The following OR4D10 variants were observed in gnomAD, a reference collection of about 807,000 sequenced individuals.
OR4D10 encodes olfactory receptor family 4 subfamily D member 10, also known as olfactory receptor 4D10.
For synonymous variants in OR4D10, 188 were observed against 153.2 expected (o/e 1.23, Z -1.68); for missense variants, 395 against 378.0 (o/e 1.04, Z -0.37).
At position 59,477,678 on chromosome 11, in the gene OR4D10, G is replaced by T. The variant is rs747447686; in HGVS notation, c.249G>T (p.Val83=). 2 of 1,614,048 alleles carry T rather than the reference G, an allele frequency of 1.2e-6. No individual in the cohort carries two copies. The highest frequency in any genetic ancestry group is 2.2e-5 in the South Asian group (2 of 91,072). ...CCATCACAGTGCCCAAGGTTCTGGT[G>T]GACCTTCTGTCTGAAAGAAAGACCA... ...FSSITVPKVL[V]DLLSERKTIS... Residue 83 remains valine (V), a synonymous_variant, in exon 3 of 3, where the codon GTG becomes GTT. Coordinates refer to ENST00000530162, the MANE Select transcript of OR4D10 (RefSeq NM_001004705.2).
Position 59,478,197 on chromosome 11 carries a change from T to C in OR4D10, c.768T>C (p.Tyr256=). 1 of 1,614,106 alleles carries C rather than the reference T, an allele frequency of 6.2e-7. No individual in the cohort carries two copies. The highest frequency in any genetic ancestry group is 1.1e-5 in the South Asian group (1 of 91,076). ...VVTLHFVPCI[Y]VYARPFTALP... ...CCCTGCATTTCGTGCCCTGCATCTA[T>C]GTCTATGCCCGGCCCTTCACTGCCC... The change falls in exon 3 of 3, where the codon TAT becomes TAC. Residue 256 remains tyrosine, a synonymous_variant. Coordinates refer to ENST00000530162, the MANE Select transcript of OR4D10 (RefSeq NM_001004705.2).
At chr11:59,474,821 C>G (rs1858883417) in intron 2 of OR4D10, among the ~76,000 whole-genome samples, 2 of 151,908 alleles carry the variant, frequency 1.3e-5, no homozygotes, top group Admixed American at 6.6e-5. Flanking sequence ...CTTTGGGAGG[C>G]CGAGGCGGGC....
chr11:59,473,712 A>C (rs900361188), intron 1 of OR4D10, 27 bp from the exon 2 acceptor site: 1 of 152,252 alleles, frequency 6.6e-6, no homozygotes, highest in Non-Finnish European at 1.5e-5. Flanking sequence ...ATTATGTATG[A>C]CTAATTTAAC....
At position 59,477,568 on chromosome 11, in the gene OR4D10, G is replaced by A. The variant is rs1048366397; in HGVS notation, c.139G>A (p.Val47Ile). The A allele has an allele frequency of 6.2e-7, 1 of 1,614,032 alleles. No individual in the cohort carries two copies. Among genetic ancestry groups the A allele is most frequent in the Non-Finnish European group, 8.5e-7 (1 of 1,179,990 alleles). Residue 47 changes from valine to isoleucine, a missense_variant, in exon 3 of 3, where the codon GTC becomes ATC. Coordinates refer to ENST00000530162, the MANE Select transcript of OR4D10 (RefSeq NM_001004705.2). The part of the protein sequence containing the change: ...TTLLGNLLIM[V>I]TVTCESRLHT... The stretch of plus-strand genomic sequence containing the variant: ...TTTGCTGGGAAACCTCCTCATCATG[G>A]TCACTGTTACCTGTGAATCTCGCCT...
intron 2 of OR4D10, among the ~76,000 whole-genome samples, chr11:59,476,259 T>C (rs534534305): frequency 1.2e-4 from 19 of 152,328 alleles, no homozygotes; most frequent in African/African-American, 4.6e-4. Flanking sequence ...TAGGTGAAGA[T>C]AGGTTCTACT....
At position 59,477,927 on chromosome 11, in the gene OR4D10, C is replaced by A. The variant is rs1245507601; in HGVS notation, c.498C>A (p.Leu166=). The A allele has an allele frequency of 6.2e-7, 1 of 1,614,048 alleles. No homozygotes were observed. The highest frequency in any genetic ancestry group is 8.5e-7 in the Non-Finnish European group (1 of 1,180,044). Residue 166 remains leucine (L), a synonymous_variant, in exon 3 of 3, where the codon CTC becomes CTA. Transcript: ENST00000530162. ...TGCAGATTTCCCTGTTGCTCCCACT[C>A]CCTTTCTGCGGACCCAATGTTCTTG... ...SIVQISLLLP[L]PFCGPNVLDT... is the part of the protein sequence containing the mutation.
chr11:59,473,910 T>G (rs2134557035), intron 2 of OR4D10, 117 bp downstream of exon 2: 1 of 152,378 alleles, frequency 6.6e-6, no homozygotes, highest in East Asian at 1.9e-4. Context: ...GTTGCTTATG[T>G]GTGAGGCCAC....
intron 2 of OR4D10, among the ~76,000 whole-genome samples, chr11:59,474,664 C>A (rs1011111337): frequency 6.6e-6 from 1 of 152,156 alleles, no homozygotes; most frequent in Non-Finnish European, 1.5e-5. Flanking sequence ...CTTTTTCTCA[C>A]CCCAACACTC....
rs1858923946 is a variant in OR4D10 at position 59,477,720 on chromosome 11, CTTCACTCAGATGT to C, written c.295_307del (p.Thr99TyrfsTer15). The C allele has an allele frequency of 6.2e-7, 1 of 1,614,022 alleles. No individual in the cohort carries two copies. Among genetic ancestry groups the C allele is most frequent in the African/African-American group, 1.3e-5 (1 of 74,916 alleles). On this transcript the variant is annotated frameshift_variant, in exon 3 of 3. Coordinates refer to ENST00000530162, the MANE Select transcript of OR4D10 (RefSeq NM_001004705.2). LOFTEE classifies it low-confidence loss of function (END_TRUNC). Reference sequence around the variant, plus strand: ...GAAAGACCATCTCCTTCAATCATTGCTTCACTCAGATGTTTCTATTCCACCTTATTGGAGGGGT... The same window carrying C: ...GAAAGACCATCTCCTTCAATCATTGCTTCTATTCCACCTTATTGGAGGGGT...
chr11:59,478,053 A>G lies in OR4D10; in HGVS notation c.624A>G (p.Thr208=), dbSNP rs1858929326. ...LMISNNGLLT[T]LWFFLLLVSY... is the part of the protein sequence containing the mutation. ...TTTCCAACAATGGACTGCTCACCACACTGTGGTTTTTCCTGCTCCTGGTGT... is the reference window on the plus strand; with the variant it reads ...TTTCCAACAATGGACTGCTCACCACGCTGTGGTTTTTCCTGCTCCTGGTGT... The change falls in exon 3 of 3, where the codon ACA becomes ACG. Residue 208 remains threonine (T), a synonymous_variant. Coordinates refer to ENST00000530162, the MANE Select transcript of OR4D10 (RefSeq NM_001004705.2). 6.2e-7 allele frequency: 1 copy of G among 1,614,074 alleles called. No homozygotes were observed. The highest frequency in any genetic ancestry group is 2.2e-5 in the East Asian group (1 of 44,880).
intron 2 of OR4D10, among the ~76,000 whole-genome samples, chr11:59,475,739 T>G (rs905880880): frequency 6.6e-6 from 1 of 152,154 alleles, no homozygotes; most frequent in Non-Finnish European, 1.5e-5. Context: ...GGGTCAGGAA[T>G]GTAATCAAAT....
intron 2 of OR4D10, among the ~76,000 whole-genome samples, 175 bp downstream of exon 2, chr11:59,473,968 A>G (rs1430064045): frequency 6.6e-6 from 1 of 152,246 alleles, no homozygotes; most frequent in Non-Finnish European, 1.5e-5. Context: ...GCTTTCTGCC[A>G]AATGCTTACC....
Position 59,477,513 on chromosome 11 carries a change from T to C in OR4D10, c.84T>C (p.Phe28=). The C allele has an allele frequency of 6.2e-7, 1 of 1,614,056 alleles. No homozygotes were observed. The highest frequency in any genetic ancestry group is 8.5e-7 in the Non-Finnish European group (1 of 1,179,950). ...TQNREVSLVL[F]LFLLLVYVTT... is the part of the protein sequence containing the mutation. ...ATCGGGAAGTGAGCTTAGTCTTATT[T>C]CTTTTCCTACTCTTGGTGTATGTGA... The change falls in exon 3 of 3, where the codon TTT becomes TTC. Residue 28 remains phenylalanine, a synonymous_variant. Coordinates refer to ENST00000530162, the MANE Select transcript of OR4D10 (RefSeq NM_001004705.2).
Position 59,476,931 on chromosome 11 carries a change from A to G in OR4D10, c.-168-331A>G, listed in dbSNP as rs1250160064. ...TGTACAGGGCAAAAAAAAACTGATAATAATAATAGTGACCATAAACCAGGA... is the reference window on the plus strand; with the variant it reads ...TGTACAGGGCAAAAAAAAACTGATAGTAATAATAGTGACCATAAACCAGGA... On this transcript the variant is annotated intron_variant, in intron 2 of 2. Transcript: ENST00000530162. Among the ~76,000 whole-genome samples, 3 of 152,136 alleles carry G rather than the reference A, an allele frequency of 2.0e-5. No individual in the cohort carries two copies. The East Asian group carries it at 5.8e-4, about 29-fold the overall frequency.
At chr11:59,475,437 A>G (rs1450279305) in intron 2 of OR4D10, among the ~76,000 whole-genome samples, 3 of 151,992 alleles carry the variant, frequency 2.0e-5, no homozygotes, top group Non-Finnish European at 2.9e-5. Context: ...TTGAGGGAAA[A>G]CTTCCCCTCC....
At chr11:59,476,222 A>G (rs1331682041) in intron 2 of OR4D10, among the ~76,000 whole-genome samples, 1 of 152,214 alleles carries the variant, frequency 6.6e-6, no homozygotes, top group Non-Finnish European at 1.5e-5. Flanking sequence ...AACGCTCTCC[A>G]GCTGATTTTC....
chr11:59,476,152 C>G (rs1220229363), intron 2 of OR4D10, among the ~76,000 whole-genome samples: 1 of 152,126 alleles, frequency 6.6e-6, no homozygotes, highest in African/African-American at 2.4e-5. Flanking sequence ...TATAGGAATA[C>G]ATAAGAGAAT....
At position 59,478,045 on chromosome 11, in the gene OR4D10, C is replaced by G; in HGVS notation, c.616C>G (p.Leu206Val). 1.2e-6 allele frequency: 2 copies of G among 1,614,190 alleles called. No homozygotes were observed. Among genetic ancestry groups the G allele is most frequent in the Non-Finnish European group, 1.7e-6 (2 of 1,180,040 alleles). ...ACTAATGATTTCCAACAATGGACTG[C>G]TCACCACACTGTGGTTTTTCCTGCT... ...ELLMISNNGL[L>V]TTLWFFLLLV... The change falls in exon 3 of 3, where the codon CTC (leucine) becomes GTC (valine). Residue 206 changes from leucine (L) to valine (V), a missense_variant. By Grantham distance (32) the Leu-to-Val change is conservative. Coordinates refer to ENST00000530162, the MANE Select transcript of OR4D10 (RefSeq NM_001004705.2).
Position 59,477,627 on chromosome 11 carries a change from A to C in OR4D10, c.198A>C (p.Leu66Phe). The C allele has an allele frequency of 2.5e-6, 4 of 1,613,952 alleles. No homozygotes were observed. The highest frequency in any genetic ancestry group is 3.4e-6 in the Non-Finnish European group (4 of 1,179,932). ...CCATGTATTTTTTGCTCCATAATTTATCTATTGCCGATATCTGCTTCTCTT... is the reference window on the plus strand; with the variant it reads ...CCATGTATTTTTTGCTCCATAATTTCTCTATTGCCGATATCTGCTTCTCTT... Reference protein sequence around the residue: ...HTPMYFLLHNLSIADICFSSI... With the variant: ...HTPMYFLLHNFSIADICFSSI... Residue 66 changes from leucine (L) to phenylalanine (F), a missense_variant, in exon 3 of 3, where the codon TTA (leucine) becomes TTC (phenylalanine). Physicochemically the swap from Leu to Phe is conservative, Grantham distance 22. Coordinates refer to ENST00000530162, the MANE Select transcript of OR4D10 (RefSeq NM_001004705.2).
Sources: gnomAD v4.1 joint callset for allele counts (sites outside exome capture counted in the v4.1 genomes callset) on GRCh38, gnomAD v4.1.1 for gene constraint, MANE v1.5 for transcripts, NCBI Gene and HGNC (gene_info 2026-07-23, HGNC 2026-07-21) for gene names.